Variants in ULK1 observed in about 807,000 individuals in gnomAD.
ULK1 encodes the protein unc-51 like autophagy activating kinase 1, also known as serine/threonine-protein kinase ULK1.
A neutral mutation model predicts 117.5 loss-of-function variants in ULK1; 48 were observed. The observed-to-expected ratio is 0.41, with a 90% CI of 0.32 to 0.52. The LOEUF is 0.52. Ranked by LOEUF, ULK1 falls within the 20% of genes least tolerant of loss-of-function variation. The probability of loss-of-function intolerance (pLI) is 0.29; values close to 1 mark genes in which losing one functional copy is unlikely to be tolerated. For synonymous variants in ULK1, 790 were observed against 637.8 expected (o/e 1.24, Z -3.60); for missense variants, 1,387 against 1,473.4 (o/e 0.94, Z 0.96).
rs550005694 is a variant in ULK1 at position 131,923,008 on chromosome 12, C to G, written c.*1647C>G. ...TGCGTGTGTCCAAGCAGGTCCTGGGCGCCTCAACTGCTGCCCCTGGTTGAA... is the reference window on the plus strand; with the variant it reads ...TGCGTGTGTCCAAGCAGGTCCTGGGGGCCTCAACTGCTGCCCCTGGTTGAA... On this transcript the variant is annotated 3_prime_UTR_variant, in exon 28 of 28. Coordinates refer to ENST00000321867, the MANE Select transcript of ULK1 (RefSeq NM_003565.4). The G allele has an allele frequency of 6.6e-6, 1 of 152,262 alleles. No individual in the cohort carries two copies. Among genetic ancestry groups the G allele is most frequent in the African/African-American group, 2.4e-5 (1 of 41,438 alleles). The allele number at this position is 152,262 out of a possible 1,614,324, so 9.4% of individuals were successfully genotyped here. A position where few individuals can be genotyped will look rare whatever the true frequency, so the allele number is the denominator to read the frequency against.
In ULK1 at chr12:131,916,675, G is replaced by A. The variant is rs888792169; in HGVS notation, c.2072+84G>A. ...TTGTTCTGCTGGGTACTTCTGGGGG[G>A]TAGAACAGGAAAAGCCCAGCCTTGC... On this transcript the variant is annotated intron_variant, in intron 20 of 27. Coordinates refer to ENST00000321867, the MANE Select transcript of ULK1 (RefSeq NM_003565.4). 1.1e-5 allele frequency: 15 copies of A among 1,402,702 alleles called. No homozygotes were observed. The East Asian group carries it at 2.1e-4, about 19-fold the overall frequency. The allele number at this position is 1,402,702 out of a possible 1,614,324, so 86.9% of individuals were successfully genotyped here. A position where few individuals can be genotyped will look rare whatever the true frequency, so the allele number is the denominator to read the frequency against.
At chr12:131,918,852 G>GGGGTGTAGGGTGTGTGGTGTAGGGTA (rs1566129099) in intron 23 of ULK1, among the ~76,000 whole-genome samples, 171 bp downstream of exon 23, 5 of 130,516 alleles carry the variant, frequency 3.8e-5, no homozygotes, top group South Asian at 2.8e-4. Flanking sequence ...TGTCGGGTGT[G>GGGGTGTAGGGTGTGTGGTGTAGGGTA]TGGGGTGTCG....
At chr12:131,912,504 GTGTT>G (rs1266749133) in intron 13 of ULK1, among the ~76,000 whole-genome samples, 7 of 152,226 alleles carry the variant, frequency 4.6e-5, no homozygotes, top group African/African-American at 1.7e-4. Flanking sequence ...GGCTGCCCAC[GTGTT>G]TGTTGAATGA....
rs1890149449 is a variant in ULK1 at position 131,921,472 on chromosome 12, C to A, written c.*111C>A. 6.6e-7 allele frequency: 1 copy of A among 1,520,064 alleles called. No individual in the cohort carries two copies. The highest frequency in any genetic ancestry group is 1.4e-5 in the African/African-American group (1 of 73,356). 94.2% of individuals were successfully genotyped at this position (1,520,064 alleles called of 1,614,324 possible). On this transcript the variant is annotated 3_prime_UTR_variant, in exon 28 of 28. Transcript: ENST00000321867. The stretch of plus-strand genomic sequence containing the variant: ...ATGGCGCTGATCGCTGGTGCTGAGC[C>A]CTGCCCTGGGCCCCACGGACAGTCA...
rs11428159 is a variant in ULK1, at chr12:131,920,579, G to GTT, written c.2961+451_2961+452dup. 224 of 193,304 alleles carry GTT rather than the reference G, an allele frequency of 1.2e-3. No individual in the cohort carries two copies. In the Middle Eastern group the frequency reaches 0.031, roughly 26 times the overall value. The allele number at this position is 193,304 out of a possible 1,614,324, so 12.0% of individuals were successfully genotyped here. The stretch of plus-strand genomic sequence containing the variant: ...GCCCCCTTTTCGTTTATTTTTTGTT[G>GTT]TTTTTTTTTAAGAGAGGGTCTTGCA... On this transcript the variant is annotated intron_variant, in intron 26 of 27. Transcript: ENST00000321867.
In ULK1 at chr12:131,902,562, CTT is replaced by C. The variant is rs983299986; in HGVS notation, c.247-4326_247-4325del. Among the ~76,000 whole-genome samples, 1 of 152,142 alleles carries C rather than the reference CTT, an allele frequency of 6.6e-6. No individual in the cohort carries two copies. The highest frequency in any genetic ancestry group is 2.4e-5 in the African/African-American group (1 of 41,424). On this transcript the variant is annotated intron_variant, in intron 3 of 27. Transcript: ENST00000321867. This position sits in a 1 kb window ranked among gnomAD's most constrained non-coding sequence, Gnocchi z 6.3. Reference sequence around the variant, plus strand: ...GACAGTGGGGTGTTGATATTGCTGTCTTTTTGAAGTGTTCTGAGCCTCAGATG... The same window carrying C: ...GACAGTGGGGTGTTGATATTGCTGTCTTTGAAGTGTTCTGAGCCTCAGATG...
rs1889900825 is a variant in ULK1 at position 131,917,398 on chromosome 12, C to G, written c.2183-13C>G. ...GAGTCAGGATGCTCCTGAGCCCTTC[C>G]TTGCTCTCCCAGCACCCTCAGCTGG... On this transcript the variant is annotated splice_polypyrimidine_tract_variant and intron_variant, in intron 21 of 27. Coordinates refer to ENST00000321867, the MANE Select transcript of ULK1 (RefSeq NM_003565.4). The G allele has an allele frequency of 6.7e-7, 1 of 1,486,582 alleles. No homozygotes were observed. Among genetic ancestry groups the G allele is most frequent in the African/African-American group, 1.4e-5 (1 of 69,864 alleles). The allele number at this position is 1,486,582 out of a possible 1,614,324, so 92.1% of individuals were successfully genotyped here. A position where few individuals can be genotyped will look rare whatever the true frequency, so the allele number is the denominator to read the frequency against.
At position 131,921,347 on chromosome 12, in the gene ULK1, G is replaced by A; in HGVS notation, c.3139G>A (p.Gly1047Ser). The A allele has an allele frequency of 6.2e-7, 1 of 1,604,662 alleles. No individual in the cohort carries two copies. Among genetic ancestry groups the A allele is most frequent in the East Asian group, 2.2e-5 (1 of 44,878 alleles). ...IERRLSALLT[G>S]ICA ...GCGGAGACTCTCGGCGCTGCTGACT[G>A]GCATCTGTGCCTGACCTTTCTGGCC... Residue 1047 changes from glycine (G) to serine (S), a missense_variant, in exon 28 of 28, where the codon GGC (glycine) becomes AGC (serine). Around this residue, in one of 4 missense-constraint regions of ULK1, gnomAD observed 900 missense variants for 858.9 expected, o/e 1.05. Transcript: ENST00000321867.
Position 131,917,423 on chromosome 12 carries a change from G to C in ULK1, c.2195G>C (p.Gly732Ala). The C allele has an allele frequency of 6.5e-7, 1 of 1,533,276 alleles. No homozygotes were observed. Among genetic ancestry groups the C allele is most frequent in the South Asian group, 1.2e-5 (1 of 81,680 alleles). 95.0% of individuals were successfully genotyped at this position (1,533,276 alleles called of 1,614,324 possible). A position where few individuals can be genotyped will look rare whatever the true frequency, so the allele number is the denominator to read the frequency against. ...CTTGCTCTCCCAGCACCCTCAGCTG[G>C]CTTTGGAGGGAGCCTGCACCCAGGA... is the stretch of plus-strand genomic sequence containing the variant. ...EKPMEIAPSA[G>A]FGGSLHPGAR... The change falls in exon 22 of 28, where the codon GGC becomes GCC. Residue 732 changes from glycine to alanine, a missense_variant. By Grantham distance (60) the Gly-to-Ala change is moderately conservative (BLOSUM62 0). Around this residue, in one of 4 missense-constraint regions of ULK1, gnomAD observed 900 missense variants for 858.9 expected, o/e 1.05. Transcript: ENST00000321867.
rs571514667 is a variant in ULK1, at chr12:131,916,043, A to T, written c.1762A>T (p.Ser588Cys). ...AGCTGTGTTCAGCCCACCACAGGCC[A>T]GCCCTCCCCAGCCGTCCCACGGCCT... ...LGAVFSPPQA[S>C]PPQPSHGLQS... Residue 588 changes from serine to cysteine, a missense_variant, in exon 19 of 28, where the codon AGC becomes TGC. By Grantham distance (112) the Ser-to-Cys change is moderately radical. Around this residue, in one of 4 missense-constraint regions of ULK1, gnomAD observed 900 missense variants for 858.9 expected, o/e 1.05. Transcript: ENST00000321867. 1 of 1,609,080 alleles carries T rather than the reference A, an allele frequency of 6.2e-7. No individual in the cohort carries two copies. The highest frequency in any genetic ancestry group is 1.4e-5 in the African/African-American group (1 of 73,992).
rs141582677 is a variant in ULK1, at chr12:131,915,146, G to A, written c.1437G>A (p.Ser479=). Residue 479 remains serine, a synonymous_variant, in exon 17 of 28, where the codon TCG becomes TCA. Transcript: ENST00000321867. Reference sequence around the variant, plus strand: ...TGGGCTTTGCAAGGGCCAGCCCCTCGCCCCCTGCCCACGCTGAGCATGGAG... The same window carrying A: ...TGGGCTTTGCAAGGGCCAGCCCCTCACCCCCTGCCCACGCTGAGCATGGAG... ...SPLGFARASP[S]PPAHAEHGGV... 35 of 1,605,648 alleles carry A rather than the reference G, an allele frequency of 2.2e-5. No homozygotes were observed. The Admixed American group carries it at 3.6e-4, about 16-fold the overall frequency.
intron 3 of ULK1, among the ~76,000 whole-genome samples, chr12:131,896,233 C>T (rs576892490): frequency 1.5e-4 from 23 of 151,996 alleles, no homozygotes; most frequent in African/African-American, 2.7e-4. Flanking sequence ...CTGCGTCAGA[C>T]GGGGCGGGGG....
chr12:131,921,481 G>A lies in ULK1; in HGVS notation c.*120G>A. The A allele has an allele frequency of 6.8e-7, 1 of 1,474,286 alleles. No homozygotes were observed. Among genetic ancestry groups the A allele is most frequent in the East Asian group, 2.3e-5 (1 of 43,914 alleles). 91.3% of individuals were successfully genotyped at this position (1,474,286 alleles called of 1,614,324 possible). A position where few individuals can be genotyped will look rare whatever the true frequency, so the allele number is the denominator to read the frequency against. On this transcript the variant is annotated 3_prime_UTR_variant, in exon 28 of 28. Coordinates refer to ENST00000321867, the MANE Select transcript of ULK1 (RefSeq NM_003565.4). Reference sequence around the variant, plus strand: ...ATCGCTGGTGCTGAGCCCTGCCCTGGGCCCCACGGACAGTCAGCCTGCCGG... The same window carrying A: ...ATCGCTGGTGCTGAGCCCTGCCCTGAGCCCCACGGACAGTCAGCCTGCCGG...
rs1423541283 is a variant in ULK1 at position 131,915,117 on chromosome 12, C to G, written c.1408C>G (p.Pro470Ala). 1.3e-6 allele frequency: 2 copies of G among 1,588,728 alleles called. No homozygotes were observed. Among genetic ancestry groups the G allele is most frequent in the East Asian group, 2.2e-5 (1 of 44,732 alleles). The change falls in exon 17 of 28, where the codon CCC (proline) becomes GCC (alanine). Residue 470 changes from proline to alanine, a missense_variant. Pro to Ala is a conservative substitution (Grantham distance 27, BLOSUM62 -1). Coordinates refer to ENST00000321867, the MANE Select transcript of ULK1 (RefSeq NM_003565.4). ...CATCCGCAGGTCAGGCAGCACCAGC[C>G]CCCTGGGCTTTGCAAGGGCCAGCCC... Reference protein sequence around the residue: ...SAIRRSGSTSPLGFARASPSP... With the variant: ...SAIRRSGSTSALGFARASPSP...
intron 13 of ULK1, among the ~76,000 whole-genome samples, 192 bp downstream of exon 13, chr12:131,912,281 C>T (rs1477385527): frequency 2.6e-5 from 4 of 152,292 alleles, no homozygotes; most frequent in Admixed American, 1.3e-4. Flanking sequence ...GAATCAAAGC[C>T]GGGTCCTCCT....
intron 1 of ULK1, 34 bp downstream of exon 1, chr12:131,895,146 C>A: frequency 2.8e-6 from 4 of 1,425,184 alleles, no homozygotes; most frequent in Non-Finnish European, 3.7e-6. Context: ...ATCCCCCGCC[C>A]AGGATCCCCT....
Position 131,921,189 on chromosome 12 carries a change from G to A in ULK1, c.3051G>A (p.Leu1017=). ...YHKALLLLEG[L]QHMLSDQADI... is the part of the protein sequence containing the mutation. The stretch of plus-strand genomic sequence containing the variant: ...AGGCCCTGCTGCTCCTGGAGGGGCT[G>A]CAGCACATGCTCTCGGACCAGGCCG... Residue 1017 remains leucine (L), a synonymous_variant, in exon 27 of 28, where the codon CTG becomes CTA. Coordinates refer to ENST00000321867, the MANE Select transcript of ULK1 (RefSeq NM_003565.4). 1 of 1,606,292 alleles carries A rather than the reference G, an allele frequency of 6.2e-7. No individual in the cohort carries two copies. The highest frequency in any genetic ancestry group is 8.5e-7 in the Non-Finnish European group (1 of 1,179,872).
intron 13 of ULK1, 88 bp from the exon 14 acceptor site, chr12:131,913,110 G>C (rs1021338171): frequency 7.7e-6 from 10 of 1,302,402 alleles, no homozygotes; most frequent in African/African-American, 1.5e-5. Context: ...TGGAGTGTGC[G>C]TGGGGATCCA....
chr12:131,904,341 T>G (rs1889192931), intron 3 of ULK1, among the ~76,000 whole-genome samples: 2 of 152,110 alleles, frequency 1.3e-5, no homozygotes, highest in Admixed American at 6.5e-5. Context: ...AGAGATGGGG[T>G]TTTGCCATGT....
Sources: gnomAD v4.1 joint callset for allele counts (sites outside exome capture counted in the v4.1 genomes callset) on GRCh38, gnomAD v4.1.1 for gene constraint, gnomAD v4.1.1 regional missense constraint, Gnocchi (gnomAD v3.1) non-coding constraint, MANE v1.5 for transcripts, NCBI Gene and HGNC (gene_info 2026-07-23, HGNC 2026-07-21) for gene names.